The following CEP83 variants were observed in gnomAD, a reference collection of about 807,000 sequenced individuals.
CEP83 encodes centrosomal protein of 83 kDa.
Under a neutral mutation model 101.9 loss-of-function variants are expected in CEP83, and 70 were observed. The observed-to-expected ratio is 0.69, with a 90% CI of 0.57 to 0.84. The LOEUF (loss-of-function observed/expected upper bound fraction) is 0.84, where lower values mean the gene tolerates loss of function less well. Ranked by LOEUF, CEP83 falls within the 40% of genes least tolerant of loss-of-function variation. The pLI is 0.00. For missense variants in CEP83, 715 were observed against 787.2 expected (o/e 0.91, Z 1.10); for synonymous variants, 264 against 267.9 (o/e 0.99, Z 0.14).
At chr12:94,391,253 A>G (rs553847335) in intron 6 of CEP83, among the ~76,000 whole-genome samples, 6 of 152,336 alleles carry the variant, frequency 3.9e-5, no homozygotes, top group African/African-American at 1.4e-4. Context: ...CACAAAGGGA[A>G]GCCCATCAAA....
intron 14 of CEP83, among the ~76,000 whole-genome samples, chr12:94,321,309 G>A (rs2058735208): frequency 6.6e-6 from 1 of 152,042 alleles, no homozygotes; most frequent in Non-Finnish European, 1.5e-5. Flanking sequence ...ATTGGGTTTT[G>A]CCATTCTCCT....
chr12:94,294,925 A>G, the CEP83 span, among the ~76,000 whole-genome samples: 1 of 152,226 alleles, frequency 6.6e-6, no homozygotes, highest in Non-Finnish European at 1.5e-5. Context: ...CAAGCGCTGA[A>G]CAAACAAGAT....
At chr12:94,265,811 C>T in the CEP83 span, among the ~76,000 whole-genome samples, 1 of 151,990 alleles carries the variant, frequency 6.6e-6, no homozygotes, top group Non-Finnish European at 1.5e-5. Context: ...TGGAGGGTTT[C>T]ACCCGCTTGA....
chr12:94,324,544 T>C (rs2058888215), intron 14 of CEP83, among the ~76,000 whole-genome samples: 1 of 152,154 alleles, frequency 6.6e-6, no homozygotes. Context: ...TTGTGGGGAG[T>C]CTGAGGACAA....
chr12:94,292,394 G>A, the CEP83 span, among the ~76,000 whole-genome samples: 5 of 152,208 alleles, frequency 3.3e-5, no homozygotes, highest in Non-Finnish European at 7.3e-5. Flanking sequence ...TATATTTAAT[G>A]TGAATAGTCA....
chr12:94,340,715 G>A (rs1412251675), intron 11 of CEP83, among the ~76,000 whole-genome samples: 1 of 152,204 alleles, frequency 6.6e-6, no homozygotes. Flanking sequence ...GGGATCACAG[G>A]CGTGAGCCAC....
Position 94,322,138 on chromosome 12 carries a change from G to A in CEP83, c.1708-9121C>T, listed in dbSNP as rs368734106. Among the ~76,000 whole-genome samples, 20 of 152,188 alleles carry A rather than the reference G, an allele frequency of 1.3e-4. No individual in the cohort carries two copies. The East Asian group carries it at 3.1e-3, about 24-fold the overall frequency. On this transcript the variant is annotated intron_variant, in intron 14 of 16. Transcript: ENST00000397809. The stretch of plus-strand genomic sequence containing the variant: ...GATCCTACCTAGTGAGGAGTAACAG[G>A]ATCAGGGACCCACATACAAAAGCCG...
the CEP83 span, chr12:94,298,753 A>G: frequency 6.2e-7 from 1 of 1,613,168 alleles, no homozygotes; most frequent in Non-Finnish European, 8.5e-7. Context: ...GAAAACAAAA[A>G]AATCACAGAT....
chr12:94,420,616 C>T (rs1566153745), intron 2 of CEP83, among the ~76,000 whole-genome samples: 11 of 152,068 alleles, frequency 7.2e-5, no homozygotes, highest in Admixed American at 6.6e-4. Flanking sequence ...CATCAGCTTT[C>T]GTTACTGTTA....
intron 6 of CEP83, among the ~76,000 whole-genome samples, chr12:94,381,090 T>G (rs1256711900): frequency 1.3e-5 from 2 of 152,210 alleles, no homozygotes; most frequent in African/African-American, 4.8e-5. Flanking sequence ...TTTTAGGTAG[T>G]AAGGATACAA....
chr12:94,305,331 TG>T (rs767671950), downstream of CEP83: 55 of 1,193,400 alleles, frequency 4.6e-5, 1 homozygote, highest in South Asian at 6.4e-4. Flanking sequence ...TCAGACGACT[TG>T]GGAGCAAAAT....
chr12:94,372,630 TA>T (rs1168818170), intron 8 of CEP83, among the ~76,000 whole-genome samples: 1 of 152,154 alleles, frequency 6.6e-6, no homozygotes, highest in Non-Finnish European at 1.5e-5. Context: ...CATCTCATGG[TA>T]AAAGATCTAC....
intron 11 of CEP83, among the ~76,000 whole-genome samples, chr12:94,356,092 G>A (rs1362446148): frequency 2.6e-5 from 4 of 152,186 alleles, no homozygotes; most frequent in Non-Finnish European, 5.9e-5. Flanking sequence ...CCATTCATGG[G>A]GGCTCGAATC....
At chr12:94,423,986 G>A in intron 2 of CEP83, 3 of 1,613,190 alleles carry the variant, frequency 1.9e-6, no homozygotes, top group Non-Finnish European at 2.5e-6. Context: ...GAGAGAAATG[G>A]GATGGTCCAT....
intron 2 of CEP83, among the ~76,000 whole-genome samples, chr12:94,422,118 T>C (rs2064804797): frequency 6.6e-6 from 1 of 152,236 alleles, no homozygotes; most frequent in Non-Finnish European, 1.5e-5. Flanking sequence ...TTCCACAAGT[T>C]ACTTCCTCCT....
rs780838184 is a variant in CEP83, at chr12:94,411,680, C to G, written c.324+17G>C. The G allele has an allele frequency of 1.3e-6, 2 of 1,581,062 alleles. No individual in the cohort carries two copies. Among genetic ancestry groups the G allele is most frequent in the Non-Finnish European group, 1.7e-6 (2 of 1,163,764 alleles). On this transcript the variant is annotated intron_variant, in intron 4 of 16. Transcript: ENST00000397809. ...ACTGCTTTTATACTAACTCAAAACT[C>G]AAATATATTTTCTCACCTGCAGTTT...
chr12:94,361,461 AG>A (rs1386415566), intron 11 of CEP83: 5 of 152,184 alleles, frequency 3.3e-5, no homozygotes, highest in African/African-American at 7.2e-5. Flanking sequence ...GCTGAACAAT[AG>A]TAGCATTGCA....
At chr12:94,384,022 A>AT (rs1324818054) in intron 6 of CEP83, among the ~76,000 whole-genome samples, 1 of 152,192 alleles carries the variant, frequency 6.6e-6, no homozygotes, top group Non-Finnish European at 1.5e-5. Flanking sequence ...AGTCTATTAC[A>AT]TATACCCACA....
the CEP83 span, chr12:94,277,938 TTG>T: frequency 8.8e-6 from 4 of 456,050 alleles, no homozygotes; most frequent in South Asian, 6.2e-5. Flanking sequence ...TCCATATGAT[TTG>T]TGTTTTCATC....
Sources: gnomAD v4.1 joint callset for allele counts (sites outside exome capture counted in the v4.1 genomes callset) on GRCh38, gnomAD v4.1.1 for gene constraint, MANE v1.5 for transcripts, NCBI Gene and HGNC (gene_info 2026-07-23, HGNC 2026-07-21) for gene names.